Variants in SDK2 observed in about 807,000 individuals in gnomAD.
SDK2 encodes the protein sidekick cell adhesion molecule 2, also known as protein sidekick-2.
In SDK2, 105 loss-of-function variants were observed where a neutral mutation model predicts 253.9. The observed-to-expected ratio is 0.41, with a 90% CI of 0.35 to 0.49. SDK2 has a LOEUF of 0.49. Among genes scored for constraint, SDK2 ranks in the 20% least tolerant of loss-of-function variants. The pLI, the probability that SDK2 is intolerant of heterozygous loss-of-function variation, is 0.06. For synonymous variants in SDK2, 1,249 were observed against 1,234.9 expected (o/e 1.01, Z -0.24); for missense variants, 2,608 against 3,003.0 (o/e 0.87, Z 3.07).
Position 73,394,210 on chromosome 17 carries a change from T to G in SDK2, c.3707A>C (p.Lys1236Thr). 1 of 1,555,852 alleles carries G rather than the reference T, an allele frequency of 6.4e-7. No homozygotes were observed. The highest frequency in any genetic ancestry group is 8.7e-7 in the Non-Finnish European group (1 of 1,145,870). The change falls in exon 26 of 45, where the codon AAG becomes ACG. Residue 1236 changes from lysine (K) to threonine (T), a missense_variant and splice_region_variant. Physicochemically the swap from Lys to Thr is moderately conservative, Grantham distance 78. Around this residue, in one of 2 missense-constraint regions of SDK2, gnomAD observed 1,505 missense variants for 1,859.1 expected, o/e 0.81. Coordinates refer to ENST00000392650, the MANE Select transcript of SDK2 (RefSeq NM_001144952.2). ...ACCTCCTGGGATCCCGGGACTCACCTTATAGCCCAGCACGAGCCCGTTGCG... is the reference window on the plus strand; with the variant it reads ...ACCTCCTGGGATCCCGGGACTCACCGTATAGCCCAGCACGAGCCCGTTGCG... Reference protein sequence around the residue: ...ADRNGLVLGYKVMYKEKDSDT... With the variant: ...ADRNGLVLGYTVMYKEKDSDT...
chr17:73,386,144 C>T (rs2062870310), intron 31 of SDK2, among the ~76,000 whole-genome samples: 1 of 152,202 alleles, frequency 6.6e-6, no homozygotes, highest in Admixed American at 6.5e-5. Flanking sequence ...AGAGCCCCCT[C>T]CGCTCTGCTC....
At chr17:73,341,551 G>C (rs1332452942) in intron 44 of SDK2, among the ~76,000 whole-genome samples, 1 of 152,156 alleles carries the variant, frequency 6.6e-6, no homozygotes, top group Non-Finnish European at 1.5e-5. Flanking sequence ...GCCCCTGCCT[G>C]GGGGCAGTTA....
intron 3 of SDK2, 89 bp downstream of exon 3, chr17:73,472,023 G>A (rs889171021): frequency 2.9e-5 from 28 of 950,202 alleles, no homozygotes; most frequent in Middle Eastern, 2.8e-4. Context: ...TGGCCATGAC[G>A]GGATCTGGCT....
chr17:73,472,080 C>T (rs1249208709), intron 3 of SDK2, 32 bp downstream of exon 3: 1 of 1,489,176 alleles, frequency 6.7e-7, no homozygotes, highest in Non-Finnish European at 9.1e-7. Context: ...CCACAGTCGC[C>T]CCCCCTGCCC....
chr17:73,447,560 T>C lies in SDK2; in HGVS notation c.613+55A>G, dbSNP rs1025591498. On this transcript the variant is annotated intron_variant, in intron 5 of 44. Transcript: ENST00000392650. The surrounding 1 kb of genome is among the most constrained non-coding windows in gnomAD (Gnocchi z 4.0). ...TTCCCAATGATCCCCTGGAGCACCATTGCTAAGATTTAATGGCCCGCTCCA... is the reference window on the plus strand; with the variant it reads ...TTCCCAATGATCCCCTGGAGCACCACTGCTAAGATTTAATGGCCCGCTCCA... The C allele has an allele frequency of 2.3e-5, 35 of 1,544,132 alleles. No individual in the cohort carries two copies. Among genetic ancestry groups the C allele is most frequent in the Non-Finnish European group, 2.8e-5 (32 of 1,140,982 alleles).
intron 8 of SDK2, among the ~76,000 whole-genome samples, 161 bp downstream of exon 8, chr17:73,437,578 C>T (rs977041007): frequency 9.9e-5 from 15 of 151,634 alleles, no homozygotes; most frequent in African/African-American, 3.6e-4. Flanking sequence ...GGTAATTTGG[C>T]CTGTTTGTTT....
chr17:73,514,095 C>T (rs573200941), intron 1 of SDK2, among the ~76,000 whole-genome samples: 1 of 152,192 alleles, frequency 6.6e-6, no homozygotes, highest in African/African-American at 2.4e-5. Flanking sequence ...CATGTGCATA[C>T]GTGTATGTGA....
chr17:73,607,163 C>A (rs1235387700), intron 1 of SDK2, among the ~76,000 whole-genome samples: 1 of 152,160 alleles, frequency 6.6e-6, no homozygotes, highest in Non-Finnish European at 1.5e-5. Context: ...GTGGTGTGGA[C>A]AACAAGTGGT....
intron 1 of SDK2, among the ~76,000 whole-genome samples, chr17:73,509,095 G>A (rs2063957855): frequency 6.6e-6 from 1 of 152,182 alleles, no homozygotes; most frequent in Admixed American, 6.5e-5. Flanking sequence ...TAGGCCCTGG[G>A]CACCCCGACC....
At chr17:73,549,345 A>T (rs544385591) in intron 1 of SDK2, among the ~76,000 whole-genome samples, 9 of 152,134 alleles carry the variant, frequency 5.9e-5, no homozygotes, top group African/African-American at 1.9e-4. Flanking sequence ...CTTCCTCATG[A>T]CTCAAAGCTC....
rs8081497 is a variant in SDK2 at position 73,618,378 on chromosome 17, G to A, written c.64+25647C>T. On this transcript the variant is annotated intron_variant, in intron 1 of 44. Coordinates refer to ENST00000392650, the MANE Select transcript of SDK2 (RefSeq NM_001144952.2). This position sits in a 1 kb window ranked among gnomAD's most constrained non-coding sequence, Gnocchi z 4.1. ...TGTGCCTGTGGATTCATTTATAGTC[G>A]TCAAAACAAGATTCTCCAGGGAGGC... 0.22 allele frequency among the ~76,000 whole-genome samples: 34,134 copies of A among 152,104 alleles called. 4,164 individuals carry two copies. The highest frequency in any genetic ancestry group is 0.29 in the South Asian group (1,409 of 4,814).
intron 3 of SDK2, among the ~76,000 whole-genome samples, chr17:73,469,278 T>C (rs1340117762): frequency 2.6e-5 from 4 of 152,100 alleles, no homozygotes; most frequent in Non-Finnish European, 2.9e-5. Context: ...CAGGCCCCCA[T>C]ATGTCACTGC....
chr17:73,416,070 C>T lies in SDK2; in HGVS notation c.2187-78G>A, dbSNP rs114428428. 1,323 of 1,375,624 alleles carry T rather than the reference C, an allele frequency of 9.6e-4. 11 individuals carry two copies. In the African/African-American group the frequency reaches 0.017, roughly 18 times the overall value. The allele number at this position is 1,375,624 out of a possible 1,614,324, so 85.2% of individuals were successfully genotyped here. ...GTACCCAGGAAATTGTCCAGAGCAG[C>T]GCTGTCCAATAGGACTTCCGGTGGT... On this transcript the variant is annotated intron_variant, in intron 16 of 44. Transcript: ENST00000392650.
intron 43 of SDK2, among the ~76,000 whole-genome samples, chr17:73,349,902 C>T (rs749460499): frequency 2.2e-4 from 34 of 152,122 alleles, no homozygotes; most frequent in Non-Finnish European, 4.1e-4. Context: ...CAGTTGGCTC[C>T]GAACATCAGT....
chr17:73,568,226 C>G (rs747787105), intron 1 of SDK2, among the ~76,000 whole-genome samples: 2 of 152,118 alleles, frequency 1.3e-5, no homozygotes, highest in Non-Finnish European at 2.9e-5. Context: ...GAGGCTGGCA[C>G]CTTCTCCCCC....
chr17:73,594,791 CACACACAA>C (rs1567862348), intron 1 of SDK2, among the ~76,000 whole-genome samples: 1 of 151,864 alleles, frequency 6.6e-6, no homozygotes, highest in Non-Finnish European at 1.5e-5. Context: ...AGCACATATC[CACACACAA>C]ATACACACAG....
intron 14 of SDK2, 146 bp downstream of exon 14, chr17:73,423,240 G>C: frequency 1.4e-6 from 1 of 718,734 alleles, no homozygotes; most frequent in Non-Finnish European, 2.0e-6. Flanking sequence ...GTTTCCTTCA[G>C]AGATGGGAAC....
In SDK2 at chr17:73,642,584, G is replaced by T. The variant is rs1175814598; in HGVS notation, c.64+1441C>A. On this transcript the variant is annotated intron_variant, in intron 1 of 44. Transcript: ENST00000392650. This position sits in a 1 kb window ranked among gnomAD's most constrained non-coding sequence, Gnocchi z 4.7. ...GGGAGAGAGGCTCAGAACTCATCTG[G>T]TTCCAGACCTGCCTCTGCCCCCAGA... is the stretch of plus-strand genomic sequence containing the variant. Among the ~76,000 whole-genome samples, 4 of 152,124 alleles carry T rather than the reference G, an allele frequency of 2.6e-5. No homozygotes were observed.
At chr17:73,453,675 C>T (rs1451130178) in intron 4 of SDK2, among the ~76,000 whole-genome samples, 30 of 152,174 alleles carry the variant, frequency 2.0e-4, no homozygotes, top group Admixed American at 2.0e-3. Flanking sequence ...CTGCACCTGG[C>T]CCACTGAGCT....
Sources: allele counts gnomAD v4.1 joint callset (sites outside exome capture counted in the v4.1 genomes callset), GRCh38; gene constraint gnomAD v4.1.1; regional missense constraint gnomAD v4.1.1; non-coding constraint Gnocchi (gnomAD v3.1); transcripts MANE v1.5; gene names NCBI Gene and HGNC (gene_info 2026-07-23, HGNC 2026-07-21).